FBXL18: variants seen among roughly 807,000 people sequenced by gnomAD.
FBXL18 encodes F-box/LRR-repeat protein 18.
A neutral mutation model predicts 46.0 loss-of-function variants in FBXL18; 36 were observed. The observed-to-expected ratio is 0.78, with a 90% CI of 0.60 to 1.03. The LOEUF is 1.03. Among genes scored for constraint, FBXL18 ranks in the 50% least tolerant of loss-of-function variants. The probability of loss-of-function intolerance (pLI) is 0.00; values close to 1 mark genes in which losing one functional copy is unlikely to be tolerated. For missense variants in FBXL18, 977 were observed against 1,004.1 expected (o/e 0.97, Z 0.36); for synonymous variants, 557 against 465.3 (o/e 1.20, Z -2.54).
chr7:5,510,575 A>T (rs944689284), intron 1 of FBXL18, among the ~76,000 whole-genome samples: 2 of 151,182 alleles, frequency 1.3e-5, no homozygotes, highest in Non-Finnish European at 2.9e-5. Context: ...AGTCCCAGCT[A>T]TTCAAGAGGC....
At chr7:5,490,297 C>T in intron 4 of FBXL18, 1 of 1,187,500 alleles carries the variant, frequency 8.4e-7, no homozygotes, top group Non-Finnish European at 1.1e-6. Context: ...CCTGATCACT[C>T]CAGCAGTCAG....
chr7:5,491,453 C>A lies in FBXL18; in HGVS notation c.1782-4G>T. 1.3e-6 allele frequency: 2 copies of A among 1,567,052 alleles called. No individual in the cohort carries two copies. Among genetic ancestry groups the A allele is most frequent in the African/African-American group, 2.7e-5 (2 of 74,434 alleles). ...GCTGAAGTAGGGCTGCTCCAGCCTGCGGGGAGAGAGGGCAGCTGTGAGGTC... is the reference window on the plus strand; with the variant it reads ...GCTGAAGTAGGGCTGCTCCAGCCTGAGGGGAGAGAGGGCAGCTGTGAGGTC... On this transcript the variant is annotated splice_polypyrimidine_tract_variant and splice_region_variant and intron_variant, in intron 3 of 4. Transcript: ENST00000382368.
At chr7:5,469,337 C>T (rs1425321896) in intron 4 of FBXL18, among the ~76,000 whole-genome samples, 1 of 152,106 alleles carries the variant, frequency 6.6e-6, no homozygotes, top group East Asian at 1.9e-4. Flanking sequence ...GCTTGAACTC[C>T]GGAGGTGGAG....
At chr7:5,504,246 A>G (rs907129335) in intron 2 of FBXL18, among the ~76,000 whole-genome samples, 10 of 151,726 alleles carry the variant, frequency 6.6e-5, no homozygotes, top group African/African-American at 2.2e-4. Context: ...CCTGGCCAAC[A>G]TGATGAAACC....
At chr7:5,464,700 TA>T (rs11343614) in intron 4 of FBXL18, among the ~76,000 whole-genome samples, 54,145 of 86,310 alleles carry the variant, frequency 0.63, 16,993 homozygotes, top group East Asian at 0.87. Flanking sequence ...GATGGTTAAT[TA>T]AAAAAAAAAA....
chr7:5,459,820 G>A (rs1049338228), intron 4 of FBXL18, among the ~76,000 whole-genome samples: 62 of 152,124 alleles, frequency 4.1e-4, no homozygotes, highest in Non-Finnish European at 7.5e-4. Context: ...GGATGAGGCA[G>A]GAGAATCACT....
intron 1 of FBXL18, 42 bp from the exon 2 acceptor site, chr7:5,505,672 A>G: frequency 6.4e-7 from 1 of 1,562,298 alleles, no homozygotes; most frequent in Non-Finnish European, 8.8e-7. Flanking sequence ...ATCCCCAAGG[A>G]TGGCTGTCAG....
At position 5,477,529 on chromosome 7, in the gene FBXL18, C is replaced by T. The variant is rs1258442161; in HGVS notation, c.*4246G>A. 2.6e-5 allele frequency among the ~76,000 whole-genome samples: 4 copies of T among 152,040 alleles called. No individual in the cohort carries two copies. The highest frequency in any genetic ancestry group is 1.3e-4 in the Admixed American group (2 of 15,250). On this transcript the variant is annotated 3_prime_UTR_variant, in exon 5 of 5. Transcript: ENST00000382368. The surrounding 1 kb of genome is among the most constrained non-coding windows in gnomAD (Gnocchi z 4.4). ...GCCAGCCTGACCAACATGGTGCAAC[C>T]CCATCTCTGCAAAAATACAAAAATT...
At chr7:5,500,293 A>T (rs1435180367) in intron 3 of FBXL18, among the ~76,000 whole-genome samples, 195 bp downstream of exon 3, 3 of 151,958 alleles carry the variant, frequency 2.0e-5, no homozygotes, top group Non-Finnish European at 4.4e-5. Context: ...AAGCTCAGAC[A>T]TCCGCCTCCT....
At position 5,455,669 on chromosome 7, in the gene FBXL18, T is replaced by C. The variant is rs1783162407; in HGVS notation, c.2001-7826A>G. 1.3e-5 allele frequency among the ~76,000 whole-genome samples: 2 copies of C among 151,880 alleles called. 1 individual carries two copies. The highest frequency in any genetic ancestry group is 4.2e-4 in the South Asian group (2 of 4,810). Reference sequence around the variant, plus strand: ...ACCATCCACTTCCCCGCAGGGGGGCTCAAACCCAGGCTGTGAATTCGGGGA... The same window carrying C: ...ACCATCCACTTCCCCGCAGGGGGGCCCAAACCCAGGCTGTGAATTCGGGGA... On this transcript the variant is annotated intron_variant and NMD_transcript_variant, in intron 4 of 6. Transcript: ENST00000415009. This position sits in a 1 kb window ranked among gnomAD's most constrained non-coding sequence, Gnocchi z 4.6.
At chr7:5,459,568 G>A (rs528418622) in intron 4 of FBXL18, among the ~76,000 whole-genome samples, 69 of 152,062 alleles carry the variant, frequency 4.5e-4, no homozygotes, top group Non-Finnish European at 8.1e-4. Context: ...GTGAAACCCC[G>A]TCTCTACTAA....
intron 4 of FBXL18, among the ~76,000 whole-genome samples, chr7:5,465,835 G>C (rs1046276828): frequency 7.4e-6 from 1 of 134,368 alleles, no homozygotes; most frequent in Non-Finnish European, 1.6e-5. Context: ...TTTTTTTTTT[G>C]GAAATGGAGT....
At chr7:5,498,932 A>G (rs1160071714) in intron 3 of FBXL18, among the ~76,000 whole-genome samples, 1 of 152,234 alleles carries the variant, frequency 6.6e-6, no homozygotes, top group African/African-American at 2.4e-5. Context: ...ATTCATCTCA[A>G]GTTAACGAAT....
At chr7:5,510,714 A>G (rs922036502) in intron 1 of FBXL18, among the ~76,000 whole-genome samples, 1 of 151,120 alleles carries the variant, frequency 6.6e-6, no homozygotes, top group East Asian at 1.9e-4. Flanking sequence ...AATCTAGGTA[A>G]CTGGCTGGAG....
At chr7:5,468,338 C>T (rs910899980) in intron 4 of FBXL18, among the ~76,000 whole-genome samples, 8 of 152,114 alleles carry the variant, frequency 5.3e-5, no homozygotes, top group Admixed American at 2.0e-4. Context: ...AGGATGGCCT[C>T]GATCTCCTGA....
At position 5,462,950 on chromosome 7, in the gene FBXL18, C is replaced by CAAAAAAAAA. The variant is rs138208570; in HGVS notation, c.2001-15116_2001-15108dup. On this transcript the variant is annotated intron_variant and NMD_transcript_variant, in intron 4 of 6. Transcript: ENST00000415009. Reference sequence around the variant, plus strand: ...TGGGCGACAGAGTGAGACTTGGTCTCAAAAAAAAAAAAAAAAAAAATATAT... The same window carrying CAAAAAAAAA: ...TGGGCGACAGAGTGAGACTTGGTCTCAAAAAAAAAAAAAAAAAAAAAAAAAAAAATATAT... 5.1e-3 allele frequency among the ~76,000 whole-genome samples: 115 copies of CAAAAAAAAA among 22,354 alleles called. 12 individuals carry two copies. Among genetic ancestry groups the CAAAAAAAAA allele is most frequent in the Non-Finnish European group, 8.1e-3 (86 of 10,650 alleles). The allele number at this position is 22,354 out of a possible 152,430, so 14.7% of individuals were successfully genotyped here. A position where few individuals can be genotyped will look rare whatever the true frequency, so the allele number is the denominator to read the frequency against.
intron 1 of FBXL18, among the ~76,000 whole-genome samples, chr7:5,508,506 G>C (rs1032628374): frequency 1.3e-5 from 2 of 151,364 alleles, no homozygotes; most frequent in Non-Finnish European, 2.9e-5. Context: ...CTACTCAAGA[G>C]GCTGAGGTGG....
intron 1 of FBXL18, among the ~76,000 whole-genome samples, chr7:5,511,407 C>T (rs1054885884): frequency 1.3e-5 from 2 of 151,678 alleles, no homozygotes; most frequent in East Asian, 1.9e-4. Context: ...GGAGAAACCC[C>T]GTCTCTACTA....
intron 4 of FBXL18, among the ~76,000 whole-genome samples, chr7:5,463,488 G>A (rs1005637909): frequency 6.6e-6 from 1 of 151,362 alleles, no homozygotes; most frequent in African/African-American, 2.4e-5. Flanking sequence ...GTGTGGTGGT[G>A]CATGCTTGCA....
Sources: allele counts gnomAD v4.1 joint callset (sites outside exome capture counted in the v4.1 genomes callset), GRCh38; gene constraint gnomAD v4.1.1; non-coding constraint Gnocchi (gnomAD v3.1); transcripts MANE v1.5; gene names NCBI Gene and HGNC (gene_info 2026-07-23, HGNC 2026-07-21).